The following CEP112 variants were observed in gnomAD, a reference collection of about 807,000 sequenced individuals.
CEP112 encodes centrosomal protein of 112 kDa.
In CEP112, 127 loss-of-function variants were observed where a neutral mutation model predicts 153.0. That is an observed-to-expected ratio of 0.83 (90% CI 0.72 to 0.96). The LOEUF (loss-of-function observed/expected upper bound fraction) is 0.96. Ranked by LOEUF, CEP112 falls within the 40% of genes least tolerant of loss-of-function variation. The pLI is 0.00. For synonymous variants in CEP112, 358 were observed against 374.4 expected, an observed-to-expected ratio of 0.96 and a Z score of 0.51; for missense variants, 1,089 against 1,101.2, an observed-to-expected ratio of 0.99 and a Z score of 0.16.
In CEP112 at chr17:66,030,031, A is replaced by G. The variant is rs1568403500; in HGVS notation, c.1219-8T>C. ...TTCTTTGATCATGTGGTTCTAAAAG[A>G]ACAGGTCATGGTTAAGAAAGTCTCT... On this transcript the variant is annotated splice_polypyrimidine_tract_variant and splice_region_variant and intron_variant, in intron 12 of 26. Coordinates refer to ENST00000535342, the MANE Select transcript of CEP112 (RefSeq NM_001199165.4). 4 of 1,612,268 alleles carry G rather than the reference A, an allele frequency of 2.5e-6. No individual in the cohort carries two copies. The highest frequency in any genetic ancestry group is 3.4e-6 in the Non-Finnish European group (4 of 1,179,278).
intron 4 of CEP112, among the ~76,000 whole-genome samples, chr17:66,142,498 C>T (rs1372744007): frequency 1.3e-5 from 2 of 152,094 alleles, no homozygotes; most frequent in Non-Finnish European, 2.9e-5. Flanking sequence ...ATGTTTAAGT[C>T]TTTAACGCAT....
At chr17:65,949,274 C>A (rs1039602783) in intron 18 of CEP112, among the ~76,000 whole-genome samples, 4 of 152,212 alleles carry the variant, frequency 2.6e-5, no homozygotes, top group South Asian at 4.1e-4. Context: ...CTTGTTACTA[C>A]ACTCACACCA....
At chr17:65,749,456 C>T (rs111497620) in intron 22 of CEP112, among the ~76,000 whole-genome samples, 20 of 151,818 alleles carry the variant, frequency 1.3e-4, no homozygotes, top group Non-Finnish European at 2.5e-4. Flanking sequence ...TGCAGTGAGC[C>T]GAGATTGCAC....
chr17:65,962,971 C>A (rs1413545824), intron 17 of CEP112, among the ~76,000 whole-genome samples: 1 of 152,182 alleles, frequency 6.6e-6, no homozygotes, highest in East Asian at 1.9e-4. Context: ...TGTCTTCTCT[C>A]ATTTATTCTC....
At chr17:65,675,787 T>G (rs2047204949) in intron 24 of CEP112, among the ~76,000 whole-genome samples, 1 of 151,720 alleles carries the variant, frequency 6.6e-6, no homozygotes, top group Non-Finnish European at 1.5e-5. Context: ...TTAATATTAT[T>G]ATATCAATAA....
At chr17:65,899,119 AAT>A (rs1217765471) in intron 20 of CEP112, among the ~76,000 whole-genome samples, 4 of 152,198 alleles carry the variant, frequency 2.6e-5, no homozygotes, top group Admixed American at 2.6e-4. Flanking sequence ...TTCATATTAA[AAT>A]ATGATTGAAT....
intron 9 of CEP112, among the ~76,000 whole-genome samples, chr17:66,069,533 C>G (rs1219879585): frequency 2.0e-5 from 3 of 151,906 alleles, no homozygotes; most frequent in African/African-American, 4.8e-5. Flanking sequence ...AATTTAATTA[C>G]CAGAAAACCA....
chr17:65,700,923 C>G (rs139920631), intron 23 of CEP112, among the ~76,000 whole-genome samples: 1 of 152,278 alleles, frequency 6.6e-6, no homozygotes, highest in Non-Finnish European at 1.5e-5. Flanking sequence ...GCTTCACGAT[C>G]ATTTGTAAAA....
chr17:66,161,657 G>A (rs1568562313), intron 4 of CEP112, among the ~76,000 whole-genome samples: 1 of 151,940 alleles, frequency 6.6e-6, no homozygotes, highest in Non-Finnish European at 1.5e-5. Flanking sequence ...CACAGGGAGG[G>A]GAACATCACA....
chr17:65,825,795 G>A (rs1201783385), intron 21 of CEP112, among the ~76,000 whole-genome samples: 1 of 152,142 alleles, frequency 6.6e-6, no homozygotes, highest in African/African-American at 2.4e-5. Flanking sequence ...GGAAGCTGTG[G>A]CAACTTCACT....
At chr17:65,778,247 A>T (rs1289590762) in intron 21 of CEP112, among the ~76,000 whole-genome samples, 1 of 152,190 alleles carries the variant, frequency 6.6e-6, no homozygotes, top group African/African-American at 2.4e-5. Flanking sequence ...CCAACACACA[A>T]CACAACCAAT....
chr17:65,807,920 T>C (rs2055708284), intron 21 of CEP112, among the ~76,000 whole-genome samples: 2 of 152,192 alleles, frequency 1.3e-5, no homozygotes, highest in African/African-American at 4.8e-5. Context: ...CTAGTGGAGC[T>C]GTGAAAAGAG....
chr17:65,980,776 T>A (rs1432003124), intron 17 of CEP112, among the ~76,000 whole-genome samples: 1 of 151,860 alleles, frequency 6.6e-6, no homozygotes, highest in Non-Finnish European at 1.5e-5. Flanking sequence ...TCTTCTCAGC[T>A]TTTTTTTCTT....
chr17:66,094,115 G>A (rs1030851841), intron 8 of CEP112, among the ~76,000 whole-genome samples: 1 of 151,936 alleles, frequency 6.6e-6, no homozygotes, highest in Admixed American at 6.6e-5. Flanking sequence ...GCAGGAGTTC[G>A]GTGACACAAT....
At chr17:65,878,671 A>C (rs2058936289) in intron 20 of CEP112, among the ~76,000 whole-genome samples, 1 of 152,072 alleles carries the variant, frequency 6.6e-6, no homozygotes, top group Non-Finnish European at 1.5e-5. Flanking sequence ...TTTAGCTATC[A>C]CACATTCTCA....
chr17:65,860,000 GT>G (rs1485495900), intron 20 of CEP112, among the ~76,000 whole-genome samples: 35 of 141,366 alleles, frequency 2.5e-4, no homozygotes, highest in Admixed American at 2.0e-3. Context: ...AGGAGACAGT[GT>G]GAGACTCCAT....
At chr17:66,190,407 T>C (rs1019926617) in intron 1 of CEP112, among the ~76,000 whole-genome samples, 9 of 152,208 alleles carry the variant, frequency 5.9e-5, no homozygotes, top group Admixed American at 5.9e-4. Context: ...AAAAGTTTCA[T>C]ACCATTTATC....
intron 18 of CEP112, among the ~76,000 whole-genome samples, chr17:65,932,716 C>T (rs910896701): frequency 1.3e-5 from 2 of 152,046 alleles, no homozygotes; most frequent in Admixed American, 6.5e-5. Flanking sequence ...GTGCCACACA[C>T]GTTTAACAAC....
At chr17:66,044,764 A>G (rs182055445) in intron 12 of CEP112, among the ~76,000 whole-genome samples, 6 of 152,294 alleles carry the variant, frequency 3.9e-5, no homozygotes, top group Admixed American at 3.9e-4. Flanking sequence ...CAAAATTTGG[A>G]GCTGGATGGT....
Sources: allele counts gnomAD v4.1 joint callset (sites outside exome capture counted in the v4.1 genomes callset), GRCh38; gene constraint gnomAD v4.1.1; transcripts MANE v1.5; gene names NCBI Gene and HGNC (gene_info 2026-07-23, HGNC 2026-07-21).